The following GSK3B variants were observed in gnomAD, a reference collection of about 807,000 sequenced individuals.
GSK3B encodes the protein glycogen synthase kinase-3 beta.
Under a neutral mutation model 56.4 loss-of-function variants are expected in GSK3B, and 15 were observed. The observed-to-expected ratio is 0.27, with a 90% CI of 0.18 to 0.41. GSK3B has a LOEUF of 0.41. Ranked by LOEUF, GSK3B falls within the 10% of genes least tolerant of loss-of-function variation. The probability of loss-of-function intolerance (pLI) is 1.00; values close to 1 mark genes in which losing one functional copy is unlikely to be tolerated. For synonymous variants in GSK3B, 181 were observed against 188.9 expected, an observed-to-expected ratio of 0.96 and a Z score of 0.34; for missense variants, 300 against 513.4, an observed-to-expected ratio of 0.58 and a Z score of 4.02.
chr3:119,931,495 A>T (rs183317911), intron 3 of GSK3B, among the ~76,000 whole-genome samples: 8 of 152,276 alleles, frequency 5.3e-5, no homozygotes, highest in African/African-American at 1.9e-4. Context: ...ATGCACCTGT[A>T]GTCCCAGCTA....
intron 10 of GSK3B, among the ~76,000 whole-genome samples, chr3:119,836,349 T>C (rs1189807644): frequency 6.6e-6 from 1 of 152,190 alleles, no homozygotes; most frequent in Non-Finnish European, 1.5e-5. Flanking sequence ...CTCATCCAAA[T>C]GTTATCATGA....
At chr3:120,015,931 C>T (rs965576224) in intron 1 of GSK3B, among the ~76,000 whole-genome samples, 1 of 152,072 alleles carries the variant, frequency 6.6e-6, no homozygotes, top group African/African-American at 2.4e-5. Context: ...GAATGGAGGG[C>T]TTACTGAAAA....
At chr3:119,948,984 G>T (rs758511674) in intron 2 of GSK3B, among the ~76,000 whole-genome samples, 5 of 152,206 alleles carry the variant, frequency 3.3e-5, no homozygotes, top group African/African-American at 1.2e-4. Context: ...TTACAGGCGT[G>T]AGCCACAGCG....
chr3:120,010,381 T>C (rs1009709641), intron 1 of GSK3B, among the ~76,000 whole-genome samples: 2 of 152,194 alleles, frequency 1.3e-5, no homozygotes, highest in African/African-American at 2.4e-5. Context: ...AAAAACAGAA[T>C]CACAGTCTTC....
intron 1 of GSK3B, among the ~76,000 whole-genome samples, chr3:120,026,512 T>TACACACACACACACACAC (rs61580328): frequency 7.0e-4 from 92 of 130,500 alleles, no homozygotes; most frequent in African/African-American, 1.8e-3. Context: ...TACCGCCAAA[T>TACACACACACACACACAC]ACACACACAC....
At chr3:119,856,358 A>G (rs1382579395) in intron 9 of GSK3B, among the ~76,000 whole-genome samples, 1 of 152,156 alleles carries the variant, frequency 6.6e-6, no homozygotes. Flanking sequence ...CTGTAAGTAT[A>G]TCTGTCCAAA....
intron 2 of GSK3B, among the ~76,000 whole-genome samples, chr3:119,973,068 T>A (rs1267997421): frequency 6.6e-6 from 1 of 152,126 alleles, no homozygotes; most frequent in Non-Finnish European, 1.5e-5. Context: ...TGCCACTAAG[T>A]GAGACCTTAC....
At chr3:120,053,647 C>T (rs1233610322) in intron 1 of GSK3B, among the ~76,000 whole-genome samples, 2 of 152,132 alleles carry the variant, frequency 1.3e-5, no homozygotes, top group African/African-American at 2.4e-5. Flanking sequence ...TGGCTGTGTC[C>T]CACCCAAATC....
intron 3 of GSK3B, among the ~76,000 whole-genome samples, chr3:119,943,076 C>G (rs2057065786): frequency 6.6e-6 from 1 of 152,188 alleles, no homozygotes; most frequent in South Asian, 2.1e-4. Context: ...CATTGGCTAC[C>G]CCTTTCCCCT....
At chr3:119,868,636 T>C (rs1432495185) in intron 8 of GSK3B, among the ~76,000 whole-genome samples, 1 of 152,222 alleles carries the variant, frequency 6.6e-6, no homozygotes, top group African/African-American at 2.4e-5. Context: ...TGTAAAAATG[T>C]CCATTTTAAA....
chr3:119,873,371 A>G (rs1319820903), intron 8 of GSK3B, among the ~76,000 whole-genome samples: 1 of 151,140 alleles, frequency 6.6e-6, no homozygotes, highest in Non-Finnish European at 1.5e-5. Flanking sequence ...AATCTTGGGG[A>G]TATAGCTGCA....
intron 9 of GSK3B, among the ~76,000 whole-genome samples, chr3:119,856,209 G>A (rs962359896): frequency 7.2e-5 from 11 of 151,890 alleles, no homozygotes; most frequent in African/African-American, 2.2e-4. Flanking sequence ...ACTCAGGTAG[G>A]GATAGTGTGT....
At chr3:120,005,193 T>C (rs1003740991) in intron 1 of GSK3B, among the ~76,000 whole-genome samples, 14 of 151,668 alleles carry the variant, frequency 9.2e-5, no homozygotes, top group African/African-American at 3.1e-4. Flanking sequence ...GAAGATCAAA[T>C]TAATGAAATA....
intron 2 of GSK3B, among the ~76,000 whole-genome samples, chr3:119,977,488 G>T (rs2057419165): frequency 6.6e-6 from 1 of 152,156 alleles, no homozygotes; most frequent in South Asian, 2.1e-4. Context: ...TTGCCATGCT[G>T]TTACTTTCTT....
intron 9 of GSK3B, among the ~76,000 whole-genome samples, chr3:119,850,168 T>C (rs2055909421): frequency 6.6e-6 from 1 of 151,642 alleles, no homozygotes; most frequent in South Asian, 2.1e-4. Context: ...AGACAAGAAA[T>C]AGAAAAGATT....
intron 4 of GSK3B, among the ~76,000 whole-genome samples, chr3:119,922,150 A>AGGT (rs2056846179): frequency 6.8e-6 from 1 of 147,670 alleles, no homozygotes; most frequent in South Asian, 2.2e-4. Flanking sequence ...GGAAGGAAGG[A>AGGT]GGTAGGTAGG....
chr3:119,949,617 AAG>A (rs1435144190), intron 2 of GSK3B, among the ~76,000 whole-genome samples: 1 of 152,082 alleles, frequency 6.6e-6, no homozygotes, highest in Non-Finnish European at 1.5e-5. Context: ...CAAACATGGT[AAG>A]AAACTGAATT....
intron 10 of GSK3B, among the ~76,000 whole-genome samples, chr3:119,835,840 A>T (rs1331792537): frequency 6.6e-6 from 1 of 152,198 alleles, no homozygotes; most frequent in East Asian, 1.9e-4. Flanking sequence ...ACACTGTAAA[A>T]CTGGCCCAAA....
intron 2 of GSK3B, among the ~76,000 whole-genome samples, chr3:119,961,382 C>A (rs1354781162): frequency 6.6e-6 from 1 of 152,140 alleles, no homozygotes; most frequent in Non-Finnish European, 1.5e-5. Context: ...AATCCCAGCA[C>A]TTTGGGAGGC....
Sources: allele counts gnomAD v4.1 joint callset (sites outside exome capture counted in the v4.1 genomes callset), GRCh38; gene constraint gnomAD v4.1.1; transcripts MANE v1.5; gene names NCBI Gene and HGNC (gene_info 2026-07-23, HGNC 2026-07-21).